MAP4: variants seen among roughly 807,000 people sequenced by gnomAD.
MAP4 encodes microtubule associated protein 4, also known as microtubule-associated protein 4.
Under a neutral mutation model 170.2 loss-of-function variants are expected in MAP4, and 76 were observed. The observed-to-expected ratio is 0.45, with a 90% CI of 0.37 to 0.54. The LOEUF (loss-of-function observed/expected upper bound fraction) is 0.54. Ranked by LOEUF, MAP4 falls within the 20% of genes least tolerant of loss-of-function variation. The pLI, the probability that MAP4 is intolerant of heterozygous loss-of-function variation, is 0.00. For missense variants in MAP4, 2,506 were observed against 2,748.0 expected (o/e 0.91, Z 1.97); for synonymous variants, 909 against 994.5 (o/e 0.91, Z 1.62).
intron 1 of MAP4, among the ~76,000 whole-genome samples, chr3:48,043,595 C>T (rs1026580946): frequency 1.3e-5 from 2 of 152,078 alleles, no homozygotes; most frequent in African/African-American, 4.8e-5. Context: ...TTCAGTCAGT[C>T]CAAGTTTTTT....
intron 3 of MAP4, chr3:47,975,132 A>G (rs1383973186): frequency 2.7e-6 from 3 of 1,107,308 alleles, no homozygotes; most frequent in Middle Eastern, 4.0e-4. Flanking sequence ...AATGAATCAA[A>G]TGATAAAATC....
chr3:47,891,485 G>A, intron 10 of MAP4: 2 of 1,517,240 alleles, frequency 1.3e-6, no homozygotes, highest in Non-Finnish European at 1.8e-6. Context: ...TGGGCTACTA[G>A]GGGGAGGCAG....
At chr3:47,977,998 T>C (rs2100083194) in intron 2 of MAP4, 65 bp from the exon 3 acceptor site, 1 of 1,025,116 alleles carries the variant, frequency 9.8e-7, no homozygotes, top group Admixed American at 1.7e-5. Flanking sequence ...ATCCAACCAC[T>C]GTCTTATTAA....
Position 47,917,176 on chromosome 3 carries a change from T to G in MAP4, c.653-2A>C. On this transcript the variant is annotated splice_acceptor_variant, in intron 6 of 20. Transcript: ENST00000683076. LOFTEE classifies it high-confidence loss of function. ...TCTCCTTGGCTAGCTCTAAGGGAAC[T>G]AAATTGGAAATTTAGGACACATCAT... The G allele has an allele frequency of 6.2e-7, 1 of 1,608,792 alleles. No homozygotes were observed. Among genetic ancestry groups the G allele is most frequent in the African/African-American group, 1.3e-5 (1 of 74,728 alleles).
chr3:48,009,636 A>G (rs973122099), intron 1 of MAP4, among the ~76,000 whole-genome samples: 70 of 152,338 alleles, frequency 4.6e-4, no homozygotes, highest in African/African-American at 1.7e-3. Context: ...ACTGTGGGAA[A>G]GTCCTCCAGA....
intron 17 of MAP4, among the ~76,000 whole-genome samples, chr3:47,862,928 A>G (rs2070315950): frequency 6.6e-6 from 1 of 151,258 alleles, no homozygotes; most frequent in South Asian, 2.1e-4. Flanking sequence ...GTTTTTTTCT[A>G]CTTGTCTGTG....
chr3:47,903,254 C>A lies in MAP4; in HGVS notation c.5384-254G>T, dbSNP rs150240228. ...AATCCCATAAGAAGTCCTTTTCTGG[C>A]CAGGTGCGGTGGCTCACCCTTGTAA... On this transcript the variant is annotated intron_variant, in intron 9 of 20. Transcript: ENST00000683076. Among the ~76,000 whole-genome samples the A allele has an allele frequency of 8.9e-3, 1,350 of 152,288 alleles. 21 individuals carry two copies. Among genetic ancestry groups the A allele is most frequent in the African/African-American group, 0.031 (1,278 of 41,556 alleles).
At chr3:47,959,511 C>T (rs1298595856) in intron 3 of MAP4, among the ~76,000 whole-genome samples, 1 of 150,832 alleles carries the variant, frequency 6.6e-6, no homozygotes, top group Non-Finnish European at 1.5e-5. Context: ...AATCCCAGCA[C>T]TTTGGGAGGC....
chr3:47,985,481 T>C (rs2100088112), intron 2 of MAP4, among the ~76,000 whole-genome samples: 3 of 152,002 alleles, frequency 2.0e-5, no homozygotes, highest in African/African-American at 7.3e-5. Flanking sequence ...AAAATTACAG[T>C]AAAGAAAACA....
intron 12 of MAP4, 40 bp downstream of exon 12, chr3:47,875,645 G>C (rs1173582413): frequency 2.2e-5 from 34 of 1,544,582 alleles, no homozygotes; most frequent in Non-Finnish European, 2.8e-5. Flanking sequence ...ACTCAGAGGG[G>C]AACAATTTTC....
intron 1 of MAP4, among the ~76,000 whole-genome samples, chr3:48,042,936 A>T (rs1010597064): frequency 1.1e-4 from 17 of 152,194 alleles, no homozygotes; most frequent in Non-Finnish European, 2.5e-4. Flanking sequence ...GTAAATTTAT[A>T]CAGAAAGTAG....
At chr3:47,902,571 G>A (rs1374767358) in intron 10 of MAP4, among the ~76,000 whole-genome samples, 2 of 151,108 alleles carry the variant, frequency 1.3e-5, no homozygotes, top group African/African-American at 4.9e-5. Context: ...CTACTCAGGA[G>A]GCTGAGGCAG....
At chr3:47,856,379 A>G (rs560746944) in intron 18 of MAP4, among the ~76,000 whole-genome samples, 146 of 152,352 alleles carry the variant, frequency 9.6e-4, no homozygotes, top group African/African-American at 3.3e-3. Context: ...TTAGTTAAGG[A>G]CAGAACTGTT....
chr3:47,933,623 C>CA (rs2100051140), intron 3 of MAP4, among the ~76,000 whole-genome samples: 1 of 134,520 alleles, frequency 7.4e-6, no homozygotes, highest in East Asian at 2.1e-4. Context: ...TTTTTTGAGA[C>CA]AGAGTCTTGC....
intron 1 of MAP4, among the ~76,000 whole-genome samples, chr3:48,055,554 C>T (rs1336042904): frequency 1.4e-5 from 2 of 141,526 alleles, no homozygotes; most frequent in East Asian, 4.2e-4. Flanking sequence ...CGGCTCACTA[C>T]AACCTACACC....
At chr3:47,904,405 T>C (rs1236191712) in intron 9 of MAP4, among the ~76,000 whole-genome samples, 2 of 151,956 alleles carry the variant, frequency 1.3e-5, no homozygotes, top group Non-Finnish European at 2.9e-5. Context: ...AACCTCTGCC[T>C]CCTAGGTTCA....
intron 3 of MAP4, 55 bp downstream of exon 3, chr3:47,977,810 G>A: frequency 1.8e-6 from 2 of 1,121,536 alleles, no homozygotes; most frequent in South Asian, 2.6e-5. Flanking sequence ...GATTATCAAG[G>A]TGTTCATTGT....
At chr3:47,889,704 G>T (rs903789928) in intron 10 of MAP4, among the ~76,000 whole-genome samples, 1 of 152,152 alleles carries the variant, frequency 6.6e-6, no homozygotes, top group Non-Finnish European at 1.5e-5. Context: ...TCACCTAGAA[G>T]TTATGTGGTA....
chr3:47,960,611 A>G (rs985962463), intron 3 of MAP4: 9 of 180,704 alleles, frequency 5.0e-5, no homozygotes, highest in Non-Finnish European at 1.1e-4. Flanking sequence ...CTATATGTAG[A>G]CAATCTTCAA....
Sources: gnomAD v4.1 joint callset for allele counts (sites outside exome capture counted in the v4.1 genomes callset) on GRCh38, gnomAD v4.1.1 for gene constraint, MANE v1.5 for transcripts, NCBI Gene and HGNC (gene_info 2026-07-23, HGNC 2026-07-21) for gene names.